The following FOXP2 variants were observed in gnomAD, a reference collection of about 807,000 sequenced individuals.
The protein encoded by FOXP2 is forkhead box P2.
FOXP2 carries 12 observed loss-of-function variants against 115.8 expected under a neutral mutation model. The observed-to-expected ratio is 0.10, with a 90% CI of 0.07 to 0.17. The LOEUF (loss-of-function observed/expected upper bound fraction) is 0.17, where lower values mean the gene tolerates loss of function less well. Among genes scored for constraint, FOXP2 ranks in the 10% least tolerant of loss-of-function variants. The probability of loss-of-function intolerance (pLI) is 1.00; values close to 1 mark genes in which losing one functional copy is unlikely to be tolerated. For missense variants in FOXP2, 629 were observed against 843.5 expected (o/e 0.75, Z 3.15); for synonymous variants, 328 against 297.7 (o/e 1.10, Z -1.05).
At chr7:114,212,231 G>T (rs1794377736) in intron 1 of FOXP2, among the ~76,000 whole-genome samples, 3 of 151,610 alleles carry the variant, frequency 2.0e-5, no homozygotes, top group Admixed American at 6.6e-5. Context: ...TAAGTGTTTT[G>T]TGTGTGTTCT....
At chr7:114,475,606 A>G (rs1796222214) in intron 2 of FOXP2, among the ~76,000 whole-genome samples, 1 of 152,062 alleles carries the variant, frequency 6.6e-6, no homozygotes, top group African/African-American at 2.4e-5. Context: ...GGAAATTTGA[A>G]GAGAGATGTC....
At chr7:114,436,697 A>C (rs1794365585) in intron 2 of FOXP2, among the ~76,000 whole-genome samples, 1 of 151,896 alleles carries the variant, frequency 6.6e-6, no homozygotes, top group Admixed American at 6.6e-5. Context: ...CACATACATA[A>C]ATATGAAATT....
intron 1 of FOXP2, among the ~76,000 whole-genome samples, chr7:114,123,879 T>C (rs1791632122): frequency 6.6e-6 from 1 of 152,134 alleles, no homozygotes; most frequent in Admixed American, 6.6e-5. Context: ...TTTGACATTT[T>C]GTTAAGCTAT....
intron 2 of FOXP2, among the ~76,000 whole-genome samples, chr7:114,470,906 G>A (rs980202876): frequency 6.6e-6 from 1 of 151,948 alleles, no homozygotes; most frequent in Non-Finnish European, 1.5e-5. Flanking sequence ...TCCCATTCCT[G>A]TGCCTTTTCC....
chr7:114,166,322 C>T (rs1327926307), intron 1 of FOXP2, among the ~76,000 whole-genome samples: 4 of 151,976 alleles, frequency 2.6e-5, no homozygotes, highest in African/African-American at 9.7e-5. Flanking sequence ...AAAAGATAAG[C>T]CACAAACTGG....
chr7:114,320,249 T>G (rs1263993126), intron 2 of FOXP2, among the ~76,000 whole-genome samples: 1 of 152,222 alleles, frequency 6.6e-6, no homozygotes, highest in African/African-American at 2.4e-5. Flanking sequence ...GTATTTATTT[T>G]TGATACCCAG....
At chr7:114,158,482 A>C (rs1486813479), upstream of FOXP2, among the ~76,000 whole-genome samples, 1 of 152,038 alleles carries the variant, frequency 6.6e-6, no homozygotes, top group Non-Finnish European at 1.5e-5. Context: ...ATTTGGCAAG[A>C]CTAAACCTAC....
intron 3 of FOXP2, among the ~76,000 whole-genome samples, chr7:114,557,809 T>C (rs980648719): frequency 4.0e-5 from 6 of 151,490 alleles, no homozygotes; most frequent in Admixed American, 2.6e-4. Context: ...ATTTATTTAT[T>C]TATTTATTTA....
At chr7:114,502,194 C>T (rs1046676304) in intron 2 of FOXP2, among the ~76,000 whole-genome samples, 11 of 151,972 alleles carry the variant, frequency 7.2e-5, no homozygotes, top group African/African-American at 2.4e-4. Flanking sequence ...ATACTTAAGG[C>T]ATATCTGTGC....
intron 3 of FOXP2, among the ~76,000 whole-genome samples, chr7:114,624,287 A>C (rs1180696636): frequency 6.6e-6 from 1 of 151,872 alleles, no homozygotes; most frequent in African/African-American, 2.4e-5. Context: ...TCATAGTTAC[A>C]TTTTTCAAGT....
chr7:114,304,906 C>A (rs1049597557), intron 2 of FOXP2, among the ~76,000 whole-genome samples: 1 of 151,900 alleles, frequency 6.6e-6, no homozygotes, highest in Non-Finnish European at 1.5e-5. Flanking sequence ...GAACAGAAAG[C>A]AATTCTGTGT....
At chr7:114,621,739 T>C (rs897085734) in intron 3 of FOXP2, among the ~76,000 whole-genome samples, 2 of 152,000 alleles carry the variant, frequency 1.3e-5, no homozygotes, top group Non-Finnish European at 2.9e-5. Flanking sequence ...AGGCAGTTTA[T>C]AGCCTTCTCC....
intron 1 of FOXP2, among the ~76,000 whole-genome samples, chr7:114,271,309 T>C (rs1426382151): frequency 6.6e-6 from 1 of 150,706 alleles, no homozygotes; most frequent in African/African-American, 2.4e-5. Flanking sequence ...GAACTTCCAA[T>C]AAACTGTTGA....
At chr7:114,365,620 A>G (rs1037129922) in intron 2 of FOXP2, among the ~76,000 whole-genome samples, 3 of 152,116 alleles carry the variant, frequency 2.0e-5, no homozygotes, top group African/African-American at 4.8e-5. Context: ...TTAGATCTCT[A>G]AAAGACCATT....
intron 2 of FOXP2, among the ~76,000 whole-genome samples, chr7:114,439,716 T>A (rs1386455183): frequency 6.6e-6 from 1 of 151,920 alleles, no homozygotes; most frequent in East Asian, 1.9e-4. Flanking sequence ...AGCTCCTAAT[T>A]TTTTTTGTGT....
chr7:114,679,839 C>T (rs1164253729), intron 16 of FOXP2, among the ~76,000 whole-genome samples: 1 of 152,168 alleles, frequency 6.6e-6, no homozygotes, highest in East Asian at 1.9e-4. Flanking sequence ...TAATACTTTA[C>T]CTACTGTGGC....
chr7:114,691,731 T>C lies in FOXP2; in HGVS notation c.*1805T>C. 2.2e-6 allele frequency: 1 copy of C among 454,268 alleles called. No individual in the cohort carries two copies. Among genetic ancestry groups the C allele is most frequent in the South Asian group, 1.6e-5 (1 of 64,462 alleles). The allele number at this position is 454,268 out of a possible 1,614,324, so 28.1% of individuals were successfully genotyped here. On this transcript the variant is annotated 3_prime_UTR_variant, in exon 17 of 17. Coordinates refer to ENST00000350908, the MANE Select transcript of FOXP2 (RefSeq NM_014491.4). ...AACAGTTTTGACAGAAGGTGGCTGCTAGAGCTTAACATACGTTCCCGTTCC... is the reference window on the plus strand; with the variant it reads ...AACAGTTTTGACAGAAGGTGGCTGCCAGAGCTTAACATACGTTCCCGTTCC...
At chr7:114,464,216 C>T (rs902950727) in intron 2 of FOXP2, among the ~76,000 whole-genome samples, 3 of 151,856 alleles carry the variant, frequency 2.0e-5, no homozygotes, top group African/African-American at 7.3e-5. Flanking sequence ...GATACTAAGA[C>T]CTCCATTTAA....
At chr7:114,245,925 A>G (rs1255800759) in intron 1 of FOXP2, among the ~76,000 whole-genome samples, 1 of 152,186 alleles carries the variant, frequency 6.6e-6, no homozygotes, top group Non-Finnish European at 1.5e-5. Context: ...AGAAATTGTC[A>G]AAATTAGTCA....
Sources: gnomAD v4.1 joint callset for allele counts (sites outside exome capture counted in the v4.1 genomes callset) on GRCh38, gnomAD v4.1.1 for gene constraint, MANE v1.5 for transcripts, NCBI Gene and HGNC (gene_info 2026-07-23, HGNC 2026-07-21) for gene names.